Variants in FRMD4B observed in about 807,000 individuals in gnomAD.
FRMD4B encodes the protein FERM domain containing 4B.
Under a neutral mutation model 141.5 loss-of-function variants are expected in FRMD4B, and 74 were observed. The observed-to-expected ratio is 0.52, with a 90% CI of 0.43 to 0.63. FRMD4B has a LOEUF of 0.63. FRMD4B is among the 30% of genes least tolerant of loss of function. The pLI, the probability that FRMD4B is intolerant of heterozygous loss-of-function variation, is 0.00. For missense variants in FRMD4B, 1,366 were observed against 1,253.4 expected, an observed-to-expected ratio of 1.09 and a Z score of -1.36; for synonymous variants, 506 against 467.9, an observed-to-expected ratio of 1.08 and a Z score of -1.05.
intron 1 of FRMD4B, among the ~76,000 whole-genome samples, chr3:69,538,327 C>T (rs1701115184): frequency 6.6e-6 from 1 of 152,166 alleles, no homozygotes; most frequent in African/African-American, 2.4e-5. Context: ...TGTATATATG[C>T]ATATACATAA....
intron 1 of FRMD4B, chr3:69,334,349 G>A (rs577377338): frequency 2.0e-5 from 3 of 151,924 alleles, no homozygotes; most frequent in African/African-American, 7.2e-5. Context: ...AAATGGTGGG[G>A]AGGCCAGGTG....
intron 10 of FRMD4B, 49 bp downstream of exon 10, chr3:69,218,273 G>A: frequency 1.1e-6 from 1 of 870,336 alleles, no homozygotes; most frequent in Non-Finnish European, 1.9e-6. Context: ...CTGGTATTGT[G>A]CAATAACTCT....
chr3:69,195,456 T>C (rs1403286491), intron 14 of FRMD4B, 92 bp from the exon 15 acceptor site: 1 of 954,512 alleles, frequency 1.0e-6, no homozygotes, highest in Admixed American at 3.3e-5. Context: ...AAGCTGCTAT[T>C]AAATGGTAGT....
At chr3:69,268,991 C>A (rs970429466) in intron 5 of FRMD4B, among the ~76,000 whole-genome samples, 1 of 147,602 alleles carries the variant, frequency 6.8e-6, no homozygotes, top group Non-Finnish European at 1.5e-5. Context: ...TGCAATGGGG[C>A]GATCTTGGCT....
chr3:69,468,862 A>C (rs6792118), intron 1 of FRMD4B, among the ~76,000 whole-genome samples: 95,917 of 151,998 alleles, frequency 0.63, 31,481 homozygotes, highest in African/African-American at 0.82. Context: ...TTGTGTAAAT[A>C]TGTTTGAGTC....
chr3:69,252,425 C>G (rs542895705), intron 5 of FRMD4B, among the ~76,000 whole-genome samples: 20 of 152,254 alleles, frequency 1.3e-4, no homozygotes, highest in African/African-American at 4.8e-4. Flanking sequence ...CTAGCAAAAT[C>G]TTGTTCCAGG....
chr3:69,257,036 G>C (rs753926234), intron 5 of FRMD4B, among the ~76,000 whole-genome samples: 24 of 152,140 alleles, frequency 1.6e-4, no homozygotes, highest in Admixed American at 2.6e-4. Context: ...CTACTCACTA[G>C]GTGCCAATAG....
In FRMD4B at chr3:69,170,061, CCAATT is replaced by C. The variant is rs1156448790; in HGVS notation, c.*1795_*1799del. The C allele has an allele frequency of 1.3e-5, 2 of 152,008 alleles. No homozygotes were observed. The highest frequency in any genetic ancestry group is 2.9e-5 in the Non-Finnish European group (2 of 68,000). 9.4% of individuals were successfully genotyped at this position (152,008 alleles called of 1,614,324 possible). A position where few individuals can be genotyped will look rare whatever the true frequency, so the allele number is the denominator to read the frequency against. On this transcript the variant is annotated 3_prime_UTR_variant, in exon 23 of 23. Transcript: ENST00000398540. The stretch of plus-strand genomic sequence containing the variant: ...TTAATGTACTATTAAGAAAAAACTG[CCAATT>C]CAAGTAGAATATGCCATCAATAAAA...
chr3:69,524,932 C>T (rs868320115), intron 1 of FRMD4B, among the ~76,000 whole-genome samples: 4 of 152,304 alleles, frequency 2.6e-5, no homozygotes, highest in Middle Eastern at 3.4e-3. Context: ...CAGTCTCTGC[C>T]ACACTTGCAG....
intron 1 of FRMD4B, among the ~76,000 whole-genome samples, chr3:69,460,957 G>A (rs535390010): frequency 4.3e-4 from 66 of 152,222 alleles, no homozygotes; most frequent in Middle Eastern, 3.4e-3. Flanking sequence ...GGCTATTCTT[G>A]GTCAACACTA....
Position 69,480,916 on chromosome 3 carries a change from G to A in FRMD4B, c.-128-48155C>T, listed in dbSNP as rs370727144. ...TACCTAAGCAAGCCTGGGCAATGGCGGGCGCCCCTCCCCCAGCCTCTCTGC... is the reference window on the plus strand; with the variant it reads ...TACCTAAGCAAGCCTGGGCAATGGCAGGCGCCCCTCCCCCAGCCTCTCTGC... On this transcript the variant is annotated intron_variant, in intron 1 of 5. Coordinates refer to the FRMD4B transcript ENST00000459638. Among the ~76,000 whole-genome samples the A allele has an allele frequency of 7.9e-4, 121 of 152,286 alleles. No individual in the cohort carries two copies. The East Asian group carries it at 0.021, about 27-fold the overall frequency.
At chr3:69,225,899 T>C (rs1037851808) in intron 7 of FRMD4B, among the ~76,000 whole-genome samples, 3 of 152,038 alleles carry the variant, frequency 2.0e-5, no homozygotes, top group African/African-American at 4.8e-5. Flanking sequence ...AACAGCATAA[T>C]GCTAACTCTT....
intron 11 of FRMD4B, among the ~76,000 whole-genome samples, chr3:69,206,506 G>T (rs930252322): frequency 1.2e-4 from 19 of 152,166 alleles, no homozygotes; most frequent in African/African-American, 4.6e-4. Context: ...TCACACCCAA[G>T]TTTCCTCTGT....
chr3:69,187,183 A>T (rs1045487113), intron 19 of FRMD4B, among the ~76,000 whole-genome samples: 1 of 152,136 alleles, frequency 6.6e-6, no homozygotes, highest in Non-Finnish European at 1.5e-5. Context: ...TAATGTCCCT[A>T]TAAGTTAATA....
In FRMD4B at chr3:69,505,139, A is replaced by T. The variant is rs1012195304; in HGVS notation, c.-129+37067T>A. The stretch of plus-strand genomic sequence containing the variant: ...AATCCCAGCATTTTGGGAGGCTGAG[A>T]CCAGAGGATTGCTTGAGGCCTGGAG... On this transcript the variant is annotated intron_variant, in intron 1 of 5. Transcript: ENST00000459638. Among the ~76,000 whole-genome samples, 10 of 152,212 alleles carry T rather than the reference A, an allele frequency of 6.6e-5. No homozygotes were observed. The South Asian group carries it at 1.4e-3, about 22-fold the overall frequency.
chr3:69,271,217 A>C (rs951967494), intron 5 of FRMD4B, among the ~76,000 whole-genome samples: 9 of 152,354 alleles, frequency 5.9e-5, no homozygotes, highest in African/African-American at 2.2e-4. Context: ...CTGGATTTTT[A>C]GTAGCTTGTC....
At chr3:69,184,979 A>C (rs2092749444) in intron 19 of FRMD4B, among the ~76,000 whole-genome samples, 1 of 152,240 alleles carries the variant, frequency 6.6e-6, no homozygotes, top group South Asian at 2.1e-4. Flanking sequence ...GATATGTGAT[A>C]AAGATTTCAC....
At chr3:69,184,077 A>T (rs916278890) in intron 19 of FRMD4B, among the ~76,000 whole-genome samples, 1 of 150,920 alleles carries the variant, frequency 6.6e-6, no homozygotes, top group Non-Finnish European at 1.5e-5. Flanking sequence ...TATTTTTTTT[A>T]TTTTTTTTAT....
intron 11 of FRMD4B, among the ~76,000 whole-genome samples, chr3:69,199,986 G>C (rs1386112921): frequency 1.3e-4 from 1 of 7,784 alleles, no homozygotes; most frequent in African/African-American, 1.4e-4. Context: ...GGAAATAACA[G>C]CAGAGAGTTT....
Sources: gnomAD v4.1 joint callset for allele counts (sites outside exome capture counted in the v4.1 genomes callset) on GRCh38, gnomAD v4.1.1 for gene constraint, MANE v1.5 for transcripts, NCBI Gene and HGNC (gene_info 2026-07-23, HGNC 2026-07-21) for gene names.